MSRB3: variants seen among roughly 807,000 people sequenced by gnomAD.
The protein encoded by MSRB3 is methionine sulfoxide reductase B3, also known as methionine-R-sulfoxide reductase B3.
Under a neutral mutation model 21.0 loss-of-function variants are expected in MSRB3, and 13 were observed. The ratio of observed to expected loss-of-function variants is 0.62; its 90% CI spans 0.40 to 0.98. The LOEUF is 0.98. Among genes scored for constraint, MSRB3 ranks in the 50% least tolerant of loss-of-function variants. The pLI, the probability that MSRB3 is intolerant of heterozygous loss-of-function variation, is 0.00. For synonymous variants in MSRB3, 87 were observed against 88.6 expected, an observed-to-expected ratio of 0.98 and a Z score of 0.10; for missense variants, 199 against 230.3, an observed-to-expected ratio of 0.86 and a Z score of 0.88.
intron 5 of MSRB3, among the ~76,000 whole-genome samples, chr12:65,434,492 G>A (rs1006361833): frequency 3.3e-5 from 5 of 151,902 alleles, no homozygotes; most frequent in African/African-American, 1.2e-4. Flanking sequence ...GTTGATAGGT[G>A]TCATAGCCAT....
intron 5 of MSRB3, among the ~76,000 whole-genome samples, chr12:65,396,225 T>C (rs1879770434): frequency 6.6e-6 from 1 of 152,252 alleles, no homozygotes. Context: ...TCAAAATATT[T>C]TTAAACTTCT....
chr12:65,444,376 A>T (rs1352423913), intron 5 of MSRB3, among the ~76,000 whole-genome samples: 3 of 152,194 alleles, frequency 2.0e-5, no homozygotes, highest in Non-Finnish European at 4.4e-5. Flanking sequence ...ATAAAAATCA[A>T]AAAGATTCTT....
At chr12:65,320,538 G>C (rs1874596421) in intron 2 of MSRB3, among the ~76,000 whole-genome samples, 1 of 152,068 alleles carries the variant, frequency 6.6e-6, no homozygotes, top group Non-Finnish European at 1.5e-5. Context: ...TTCATCACCA[G>C]AAACAGCCAT....
At chr12:65,409,799 C>G (rs924567956) in intron 5 of MSRB3, among the ~76,000 whole-genome samples, 5 of 151,946 alleles carry the variant, frequency 3.3e-5, no homozygotes, top group Admixed American at 2.6e-4. Context: ...ATAGCTGTTC[C>G]TTAGTAAGTC....
At chr12:65,299,049 T>C (rs1873154659) in intron 1 of MSRB3, among the ~76,000 whole-genome samples, 2 of 152,070 alleles carry the variant, frequency 1.3e-5, no homozygotes, top group Admixed American at 6.6e-5. Flanking sequence ...GGAACTAAGG[T>C]GAAAAAAACT....
chr12:65,344,866 T>TG (rs1378538073), intron 4 of MSRB3, among the ~76,000 whole-genome samples: 1 of 152,022 alleles, frequency 6.6e-6, no homozygotes, highest in Non-Finnish European at 1.5e-5. Flanking sequence ...CACTGTCCAT[T>TG]AGAACCATAC....
Position 65,360,761 on chromosome 12 carries a change from A to G in MSRB3, c.264-8237A>G, listed in dbSNP as rs201989002. Among the ~76,000 whole-genome samples the G allele has an allele frequency of 2.6e-5, 4 of 152,286 alleles. No homozygotes were observed. The South Asian group carries it at 6.2e-4, about 24-fold the overall frequency. ...GGTTCACAAGTTAAATGATTTGTCC[A>G]GGTTTCTGACCTAGAATCCAGGTCT... On this transcript the variant is annotated intron_variant, in intron 4 of 6. Coordinates refer to ENST00000308259, the MANE Select transcript of MSRB3 (RefSeq NM_001031679.3).
intron 4 of MSRB3, among the ~76,000 whole-genome samples, chr12:65,345,044 A>T (rs1876399550): frequency 6.6e-6 from 1 of 152,050 alleles, no homozygotes; most frequent in South Asian, 2.1e-4. Context: ...CAAACACTAC[A>T]AACAATAGGC....
chr12:65,317,827 A>T (rs1874396635), intron 2 of MSRB3, among the ~76,000 whole-genome samples: 1 of 152,344 alleles, frequency 6.6e-6, no homozygotes, highest in East Asian at 1.9e-4. Context: ...TCTAAGAAAC[A>T]TAGCCAAGAT....
chr12:65,300,297 C>A (rs115320662), intron 1 of MSRB3, among the ~76,000 whole-genome samples: 173 of 152,252 alleles, frequency 1.1e-3, no homozygotes, highest in African/African-American at 3.9e-3. Context: ...TGATCAAAGT[C>A]AAGTAGCTGT....
chr12:65,346,929 T>C (rs1217414170), intron 4 of MSRB3, among the ~76,000 whole-genome samples: 4 of 152,184 alleles, frequency 2.6e-5, no homozygotes, highest in African/African-American at 9.6e-5. Context: ...GGCTCTGTTC[T>C]GTTCCATTGG....
At chr12:65,302,207 G>A (rs1873376339) in intron 1 of MSRB3, among the ~76,000 whole-genome samples, 1 of 151,976 alleles carries the variant, frequency 6.6e-6, no homozygotes, top group African/African-American at 2.4e-5. Context: ...ATAATTTTGG[G>A]GAGTGTAAGG....
At chr12:65,330,902 A>G (rs569856938) in intron 4 of MSRB3, among the ~76,000 whole-genome samples, 8 of 152,276 alleles carry the variant, frequency 5.3e-5, no homozygotes, top group South Asian at 2.1e-4. Flanking sequence ...GAAGGCTGCC[A>G]TGAGAACATG....
chr12:65,326,894 C>G lies in MSRB3; in HGVS notation c.145C>G (p.Pro49Ala), dbSNP rs746107469. The G allele has an allele frequency of 1.9e-6, 3 of 1,613,782 alleles. No homozygotes were observed. In the African/African-American group the frequency reaches 4.0e-5, roughly 22 times the overall value. The change falls in exon 3 of 7, where the codon CCC becomes GCC. Residue 49 changes from proline to alanine, a missense_variant. By Grantham distance (27) the Pro-to-Ala change is conservative. Transcript: ENST00000308259. Reference sequence around the variant, plus strand: ...GCAGGAACTGAGGAAGCGGCTAACACCCCTGCAGTACCATGTCACTCAGGA... The same window carrying G: ...GCAGGAACTGAGGAAGCGGCTAACAGCCCTGCAGTACCATGTCACTCAGGA... ...SQQELRKRLT[P>A]LQYHVTQEKG... is the part of the protein sequence containing the mutation.
chr12:65,287,927 G>A (rs1432811297), intron 1 of MSRB3, among the ~76,000 whole-genome samples: 1 of 152,076 alleles, frequency 6.6e-6, no homozygotes. Flanking sequence ...TCTTGTTTTT[G>A]CCTGAGTCGT....
At chr12:65,379,261 C>T (rs542589270) in intron 5 of MSRB3, among the ~76,000 whole-genome samples, 3 of 152,184 alleles carry the variant, frequency 2.0e-5, no homozygotes, top group Non-Finnish European at 4.4e-5. Context: ...AAAAGATAGC[C>T]TTGCTGTTGG....
chr12:65,430,272 A>G (rs544710910), intron 5 of MSRB3, among the ~76,000 whole-genome samples: 37 of 152,320 alleles, frequency 2.4e-4, no homozygotes, highest in African/African-American at 7.9e-4. Flanking sequence ...TAAGTGGACT[A>G]TAGAATCAAA....
intron 5 of MSRB3, among the ~76,000 whole-genome samples, chr12:65,392,441 G>C (rs566174099): frequency 2.6e-4 from 39 of 152,292 alleles, no homozygotes; most frequent in African/African-American, 9.1e-4. Context: ...GATTTAACTA[G>C]CTCTAATCCC....
chr12:65,433,635 G>A (rs1054278285), intron 5 of MSRB3, among the ~76,000 whole-genome samples: 3 of 151,810 alleles, frequency 2.0e-5, no homozygotes, highest in African/African-American at 4.8e-5. Context: ...TTTCTCCAAG[G>A]TTGTTGTATG....
Sources: allele counts gnomAD v4.1 joint callset (sites outside exome capture counted in the v4.1 genomes callset), GRCh38; gene constraint gnomAD v4.1.1; transcripts MANE v1.5; gene names NCBI Gene and HGNC (gene_info 2026-07-23, HGNC 2026-07-21).